QSOX1: variants seen among roughly 807,000 people sequenced by gnomAD.
The protein encoded by QSOX1 is sulfhydryl oxidase 1.
A neutral mutation model predicts 76.1 loss-of-function variants in QSOX1; 40 were observed. The ratio of observed to expected loss-of-function variants is 0.53; its 90% CI spans 0.41 to 0.68. QSOX1 has a LOEUF of 0.68. Ranked by LOEUF, QSOX1 falls within the 30% of genes least tolerant of loss-of-function variation. The probability of loss-of-function intolerance (pLI) is 0.00; values close to 1 mark genes in which losing one functional copy is unlikely to be tolerated. For missense variants in QSOX1, 931 were observed against 974.3 expected (o/e 0.96, Z 0.59); for synonymous variants, 392 against 413.1 (o/e 0.95, Z 0.62).
intron 5 of QSOX1, among the ~76,000 whole-genome samples, chr1:180,179,435 T>C (rs1195426074): frequency 6.6e-6 from 1 of 152,262 alleles, no homozygotes; most frequent in Non-Finnish European, 1.5e-5. Context: ...CCAGCTGCAG[T>C]GCCCTGTCTA....
chr1:180,155,882 G>A (rs1662366522), intron 1 of QSOX1, among the ~76,000 whole-genome samples: 1 of 152,128 alleles, frequency 6.6e-6, no homozygotes, highest in Non-Finnish European at 1.5e-5. Flanking sequence ...CCTTTGGTGC[G>A]TGTTTGGCTC....
At chr1:180,160,806 A>G (rs1174444728) in intron 1 of QSOX1, among the ~76,000 whole-genome samples, 1 of 152,216 alleles carries the variant, frequency 6.6e-6, no homozygotes, top group Non-Finnish European at 1.5e-5. Flanking sequence ...CACGTCAGGC[A>G]TGAGACTTGT....
intron 4 of QSOX1, among the ~76,000 whole-genome samples, chr1:180,176,958 C>CA (rs1161323426): frequency 3.3e-5 from 5 of 152,340 alleles, no homozygotes; most frequent in African/African-American, 1.2e-4. Flanking sequence ...GAATCCAACT[C>CA]ACAATGACTC....
In QSOX1 at chr1:180,203,234, A is replaced by G. The variant is rs1558197628; in HGVS notation, c.*6197A>G. 6.6e-6 allele frequency: 1 copy of G among 152,224 alleles called. No homozygotes were observed. The highest frequency in any genetic ancestry group is 2.4e-5 in the African/African-American group (1 of 41,448). The allele number at this position is 152,224 out of a possible 1,614,324, so 9.4% of individuals were successfully genotyped here. On this transcript the variant is annotated 3_prime_UTR_variant, in exon 12 of 12. Coordinates refer to ENST00000367602, the MANE Select transcript of QSOX1 (RefSeq NM_002826.5). ...TATTGACCTGATAAAATGTCCCAAG[A>G]AGGACACATTTTTATAAACATAAGT...
At chr1:180,180,593 C>A (rs184816496) in intron 5 of QSOX1, among the ~76,000 whole-genome samples, 35 of 152,374 alleles carry the variant, frequency 2.3e-4, no homozygotes, top group African/African-American at 8.2e-4. Context: ...TGGCTCACTG[C>A]AAGCTCCACC....
intron 6 of QSOX1, 87 bp from the exon 7 acceptor site, chr1:180,183,829 C>A: frequency 7.2e-7 from 1 of 1,393,884 alleles, no homozygotes; most frequent in Non-Finnish European, 9.8e-7. Flanking sequence ...TCCGATGAGC[C>A]ACCCTTCTTC....
chr1:180,179,569 C>T (rs1662978675), intron 5 of QSOX1, among the ~76,000 whole-genome samples: 1 of 152,254 alleles, frequency 6.6e-6, no homozygotes, highest in African/African-American at 2.4e-5. Context: ...ATTCCCCTCG[C>T]CTAATGCAGA....
At position 180,196,607 on chromosome 1, in the gene QSOX1, G is replaced by A. The variant is rs16855466; in HGVS notation, c.1814G>A (p.Arg605Gln). 8.7e-6 allele frequency: 14 copies of A among 1,614,036 alleles called. No homozygotes were observed. Among genetic ancestry groups the A allele is most frequent in the East Asian group, 2.2e-5 (1 of 44,892 alleles). ...CCGGCTGAGGGACCTGAGGCAAGTCGACCCCCGAAGCTGCACCCTGGCCTC... is the reference window on the plus strand; with the variant it reads ...CCGGCTGAGGGACCTGAGGCAAGTCAACCCCCGAAGCTGCACCCTGGCCTC... ...HVPAEGPEAS[R>Q]PPKLHPGLRA... The change falls in exon 12 of 12, where the codon CGA (arginine) becomes CAA (glutamine). Residue 605 changes from arginine (R) to glutamine (Q), a missense_variant. Arg to Gln is a conservative substitution (Grantham distance 43). Transcript: ENST00000367602. The surrounding 1 kb of genome is among the most constrained non-coding windows in gnomAD (Gnocchi z 4.1).
chr1:180,174,553 C>T (rs1558186940), intron 2 of QSOX1, among the ~76,000 whole-genome samples: 1 of 152,186 alleles, frequency 6.6e-6, no homozygotes, highest in Non-Finnish European at 1.5e-5. Context: ...GGAGCAAGGG[C>T]ACATTGACAT....
chr1:180,194,998 G>GT (rs1553275515), intron 11 of QSOX1, among the ~76,000 whole-genome samples: 9 of 147,016 alleles, frequency 6.1e-5, no homozygotes, highest in East Asian at 3.9e-4. Context: ...CAGCCTCCCG[G>GT]GGGGGGGAGA....
chr1:180,162,946 A>T (rs913107489), intron 1 of QSOX1, among the ~76,000 whole-genome samples: 1 of 152,216 alleles, frequency 6.6e-6, no homozygotes, highest in African/African-American at 2.4e-5. Context: ...AGTAAAGACA[A>T]CATGAAGCAC....
chr1:180,161,855 ATTCT>A (rs1403401426), intron 1 of QSOX1, among the ~76,000 whole-genome samples: 2 of 152,320 alleles, frequency 1.3e-5, no homozygotes, highest in Admixed American at 6.5e-5. Context: ...AGTTCTGGAA[ATTCT>A]TTCCCAGTCC....
chr1:180,175,909 T>C (rs1271725037), intron 3 of QSOX1, 22 bp from the exon 4 acceptor site: 11 of 1,557,512 alleles, frequency 7.1e-6, no homozygotes, highest in Non-Finnish European at 9.6e-6. Context: ...GACACTCCGC[T>C]CACGCCTGTT....
At chr1:180,180,762 A>ACCCG (rs1663011225) in intron 5 of QSOX1, among the ~76,000 whole-genome samples, 1 of 152,140 alleles carries the variant, frequency 6.6e-6, no homozygotes, top group South Asian at 2.1e-4. Flanking sequence ...TGATCTGACC[A>ACCCG]CCTTGGCCTC....
intron 8 of QSOX1, among the ~76,000 whole-genome samples, chr1:180,186,392 T>G (rs1663172848): frequency 6.6e-6 from 1 of 152,228 alleles, no homozygotes; most frequent in Non-Finnish European, 1.5e-5. Flanking sequence ...GGGACAACCC[T>G]GCCCCATGCA....
intron 5 of QSOX1, 22 bp downstream of exon 5, chr1:180,178,906 T>C: frequency 6.3e-7 from 1 of 1,594,564 alleles, no homozygotes; most frequent in East Asian, 2.2e-5. Flanking sequence ...TGAAGTTCCC[T>C]GCAATTCTTG....
chr1:180,156,906 G>C (rs764960216), intron 1 of QSOX1, among the ~76,000 whole-genome samples: 1 of 152,214 alleles, frequency 6.6e-6, no homozygotes, highest in African/African-American at 2.4e-5. Flanking sequence ...GTGTTCAGTG[G>C]CTGCAGATGG....
intron 4 of QSOX1, 104 bp downstream of exon 4, chr1:180,176,137 C>A: frequency 1.1e-6 from 1 of 902,246 alleles, no homozygotes; most frequent in East Asian, 2.7e-5. Flanking sequence ...GTTTATTTTC[C>A]TTGCTGCCTT....
chr1:180,196,560 C>A lies in QSOX1; in HGVS notation c.1767C>A (p.Pro589=), dbSNP rs1302310155. The change falls in exon 12 of 12, where the codon CCC becomes CCA. Residue 589 remains proline (P), a synonymous_variant. Coordinates refer to ENST00000367602, the MANE Select transcript of QSOX1 (RefSeq NM_002826.5). This position sits in a 1 kb window ranked among gnomAD's most constrained non-coding sequence, Gnocchi z 4.1. ...DPGKPEMMKS[P]TNTTPHVPAE... ...GGAAGCCTGAGATGATGAAGTCCCC[C>A]ACAAACACCACCCCACATGTGCCGG... The A allele has an allele frequency of 1.9e-6, 3 of 1,614,216 alleles. No homozygotes were observed. Among genetic ancestry groups the A allele is most frequent in the East Asian group, 2.2e-5 (1 of 44,884 alleles).
Sources: allele counts gnomAD v4.1 joint callset (sites outside exome capture counted in the v4.1 genomes callset), GRCh38; gene constraint gnomAD v4.1.1; non-coding constraint Gnocchi (gnomAD v3.1); transcripts MANE v1.5; gene names NCBI Gene and HGNC (gene_info 2026-07-23, HGNC 2026-07-21).